Variants in ST6GALNAC3 observed in about 807,000 individuals in gnomAD.
ST6GALNAC3 encodes alpha-N-acetylgalactosaminide alpha-2,6-sialyltransferase 3.
Under a neutral mutation model 32.7 loss-of-function variants are expected in ST6GALNAC3, and 25 were observed. The observed-to-expected ratio is 0.76, with a 90% CI of 0.56 to 1.07. The LOEUF (loss-of-function observed/expected upper bound fraction) is 1.07, where lower values mean the gene tolerates loss of function less well. ST6GALNAC3 is among the 50% of genes least tolerant of loss of function. ST6GALNAC3 has a pLI of 0.00. For missense variants in ST6GALNAC3, 355 were observed against 382.4 expected, an observed-to-expected ratio of 0.93 and a Z score of 0.60; for synonymous variants, 129 against 133.1, an observed-to-expected ratio of 0.97 and a Z score of 0.21.
At chr1:76,471,358 G>C (rs976170221) in intron 3 of ST6GALNAC3, among the ~76,000 whole-genome samples, 7 of 152,074 alleles carry the variant, frequency 4.6e-5, no homozygotes, top group African/African-American at 1.7e-4. Context: ...AACAAGTAGT[G>C]CCAAATGCTT....
At chr1:76,075,378 C>T (rs1646800527) in intron 1 of ST6GALNAC3, among the ~76,000 whole-genome samples, 1 of 150,662 alleles carries the variant, frequency 6.6e-6, no homozygotes, top group African/African-American at 2.5e-5. Context: ...TACAGGTAGT[C>T]CCTTAGGAAT....
chr1:76,357,130 C>CTTTCTTTTTTTTTTTTT (rs1165946045), intron 2 of ST6GALNAC3, among the ~76,000 whole-genome samples: 3 of 111,176 alleles, frequency 2.7e-5, no homozygotes, highest in African/African-American at 1.0e-4. Flanking sequence ...TTTTCTTTTT[C>CTTTCTTTTTTTTTTTTT]TTTTTTTTTT....
intron 3 of ST6GALNAC3, among the ~76,000 whole-genome samples, chr1:76,427,267 T>C (rs1655456475): frequency 6.6e-6 from 1 of 152,094 alleles, no homozygotes; most frequent in African/African-American, 2.4e-5. Flanking sequence ...TCATGTTTAC[T>C]GGCTCACAAG....
intron 1 of ST6GALNAC3, among the ~76,000 whole-genome samples, chr1:76,196,739 A>G (rs1421227694): frequency 6.6e-6 from 1 of 152,102 alleles, no homozygotes; most frequent in African/African-American, 2.4e-5. Flanking sequence ...GTGCTATTAC[A>G]GGTGTGAGCC....
chr1:76,382,053 T>C (rs916741200), intron 2 of ST6GALNAC3, among the ~76,000 whole-genome samples: 4 of 152,162 alleles, frequency 2.6e-5, no homozygotes, highest in East Asian at 3.9e-4. Flanking sequence ...AGATTCTCAA[T>C]TGAGAATCTG....
At chr1:76,530,436 T>G (rs1326343532) in intron 3 of ST6GALNAC3, among the ~76,000 whole-genome samples, 5 of 152,154 alleles carry the variant, frequency 3.3e-5, no homozygotes, top group Admixed American at 1.3e-4. Flanking sequence ...AGATTGGGGT[T>G]AAAACTGACC....
chr1:76,188,063 T>C (rs1653672765), intron 1 of ST6GALNAC3, among the ~76,000 whole-genome samples: 1 of 152,158 alleles, frequency 6.6e-6, no homozygotes, highest in Non-Finnish European at 1.5e-5. Context: ...TATAAGTAGA[T>C]GCAGAAATAA....
At position 76,245,338 on chromosome 1, in the gene ST6GALNAC3, C is replaced by T. The variant is rs550612587; in HGVS notation, c.19-68467C>T. 3.3e-4 allele frequency among the ~76,000 whole-genome samples: 50 copies of T among 152,100 alleles called. No individual in the cohort carries two copies. The East Asian group carries it at 8.5e-3, about 26-fold the overall frequency. ...CTTCTCTCTTTTCTTCTTTATTAGT[C>T]TAGCTAGTGGTCTATTTTTGTTAAT... On this transcript the variant is annotated intron_variant, in intron 1 of 4. Transcript: ENST00000328299.
intron 2 of ST6GALNAC3, among the ~76,000 whole-genome samples, chr1:76,389,012 C>CTTTTTTTT (rs371619828): frequency 1.6e-5 from 2 of 127,364 alleles, no homozygotes; most frequent in African/African-American, 3.0e-5. Context: ...GGTATATTTC[C>CTTTTTTTT]TTTTTTTTTT....
rs1649231542 is a variant in ST6GALNAC3, at chr1:76,630,392, G to A, written c.*1586G>A. On this transcript the variant is annotated 3_prime_UTR_variant, in exon 5 of 5. Transcript: ENST00000328299. ...AAAAGCAGGGACAACAGGAGGAAAT[G>A]AAGGCAGAGAAATATAGTTTCCTTT... is the stretch of plus-strand genomic sequence containing the variant. The A allele has an allele frequency of 1.0e-6, 1 of 985,088 alleles. No individual in the cohort carries two copies. Among genetic ancestry groups the A allele is most frequent in the African/African-American group, 1.7e-5 (1 of 57,184 alleles). The allele number at this position is 985,088 out of a possible 1,614,324, so 61.0% of individuals were successfully genotyped here. A position where few individuals can be genotyped will look rare whatever the true frequency, so the allele number is the denominator to read the frequency against.
chr1:76,492,919 G>A (rs1171600492), intron 3 of ST6GALNAC3, among the ~76,000 whole-genome samples: 1 of 152,074 alleles, frequency 6.6e-6, no homozygotes, highest in African/African-American at 2.4e-5. Context: ...ATCTTCTGGT[G>A]CCTTGGGATT....
chr1:76,396,638 A>G (rs1365820540), intron 2 of ST6GALNAC3, among the ~76,000 whole-genome samples: 1 of 152,190 alleles, frequency 6.6e-6, no homozygotes, highest in Non-Finnish European at 1.5e-5. Context: ...AAAGCCAATT[A>G]GGTCTTTGAA....
At chr1:76,398,709 A>G (rs1653176606) in intron 2 of ST6GALNAC3, among the ~76,000 whole-genome samples, 1 of 152,180 alleles carries the variant, frequency 6.6e-6, no homozygotes, top group African/African-American at 2.4e-5. Context: ...TGGTACACAA[A>G]AAGAATACAT....
intron 1 of ST6GALNAC3, among the ~76,000 whole-genome samples, chr1:76,218,115 T>C (rs1570471999): frequency 6.6e-6 from 1 of 152,318 alleles, no homozygotes; most frequent in East Asian, 1.9e-4. Context: ...GTTGTTGTAC[T>C]AGTTTACATT....
intron 3 of ST6GALNAC3, among the ~76,000 whole-genome samples, chr1:76,578,422 G>A (rs912088936): frequency 2.0e-5 from 3 of 151,956 alleles, no homozygotes; most frequent in African/African-American, 7.2e-5. Flanking sequence ...GTGTTGTCTT[G>A]TTTTAATTTC....
chr1:76,259,683 G>A lies in ST6GALNAC3; in HGVS notation c.19-54122G>A, dbSNP rs552917853. ...TGAAATGGGTGTTGTGACCTTTCTT[G>A]AAAATAACCCTTCTCTCTATTAGTA... is the stretch of plus-strand genomic sequence containing the variant. On this transcript the variant is annotated intron_variant, in intron 1 of 4. Transcript: ENST00000328299. Among the ~76,000 whole-genome samples the A allele has an allele frequency of 2.0e-5, 3 of 152,258 alleles. No individual in the cohort carries two copies. The East Asian group carries it at 5.8e-4, about 29-fold the overall frequency.
intron 2 of ST6GALNAC3, among the ~76,000 whole-genome samples, chr1:76,328,158 T>C (rs1211281593): frequency 6.6e-6 from 1 of 152,188 alleles, no homozygotes; most frequent in Admixed American, 6.5e-5. Context: ...GTTTTAGTCA[T>C]ATAATCAATT....
At chr1:76,370,848 CCATCCATCCATCCATT>C (rs1416730416) in intron 2 of ST6GALNAC3, among the ~76,000 whole-genome samples, 4 of 152,034 alleles carry the variant, frequency 2.6e-5, no homozygotes, top group African/African-American at 9.7e-5. Flanking sequence ...ATTCACATGT[CCATCCATCCATCCATT>C]CATCCATCCA....
chr1:76,319,310 A>G (rs1297570786), intron 2 of ST6GALNAC3, among the ~76,000 whole-genome samples: 1 of 152,154 alleles, frequency 6.6e-6, no homozygotes, highest in Admixed American at 6.6e-5. Flanking sequence ...TTACTCGACA[A>G]TTTAATGAGG....
Sources: gnomAD v4.1 joint callset for allele counts (sites outside exome capture counted in the v4.1 genomes callset) on GRCh38, gnomAD v4.1.1 for gene constraint, MANE v1.5 for transcripts, NCBI Gene and HGNC (gene_info 2026-07-23, HGNC 2026-07-21) for gene names.